Variants in OPHN1 observed in about 807,000 individuals in gnomAD.
OPHN1 encodes the protein oligophrenin 1, also known as oligophrenin-1.
OPHN1 carries 11 observed loss-of-function variants against 60.7 expected under a neutral mutation model. The observed-to-expected ratio is 0.18, with a 90% CI of 0.11 to 0.30. The LOEUF (loss-of-function observed/expected upper bound fraction) is 0.30. Among genes scored for constraint, OPHN1 ranks in the 10% least tolerant of loss-of-function variants. The probability of loss-of-function intolerance (pLI) is 1.00; values close to 1 mark genes in which losing one functional copy is unlikely to be tolerated. For missense variants in OPHN1, 449 were observed against 611.0 expected (o/e 0.73, Z 2.80); for synonymous variants, 226 against 222.6 (o/e 1.02, Z -0.14).
At chrX:68,213,838 C>T in intron 7 of OPHN1, 24 bp downstream of exon 7, 1 of 890,342 alleles carries the variant, frequency 1.1e-6, no homozygotes, top group South Asian at 2.1e-5. Context: ...ATTTTTAGAC[C>T]ATTCATCAAC....
intron 15 of OPHN1, among the ~76,000 whole-genome samples, chrX:68,171,130 C>A (rs1181129640): frequency 9.1e-6 from 1 of 110,186 alleles, no homozygotes; most frequent in Non-Finnish European, 1.9e-5. Flanking sequence ...TATAACTGGA[C>A]TGTTTATAAC....
At chrX:68,148,430 T>C (rs1197257126) in intron 15 of OPHN1, among the ~76,000 whole-genome samples, 1 of 110,172 alleles carries the variant, frequency 9.1e-6, no homozygotes, top group Non-Finnish European at 1.9e-5. Flanking sequence ...AAATGAACAC[T>C]AAACTTCACC....
chrX:68,396,918 C>T (rs189845179), intron 2 of OPHN1, among the ~76,000 whole-genome samples: 67 of 112,173 alleles, frequency 6.0e-4, no homozygotes, highest in African/African-American at 2.1e-3. Flanking sequence ...ACTCCTCTCC[C>T]ATCCCAGGGG....
intron 15 of OPHN1, among the ~76,000 whole-genome samples, chrX:68,166,129 T>A (rs763786252): frequency 8.9e-6 from 1 of 112,554 alleles, no homozygotes; most frequent in Admixed American, 9.4e-5. Context: ...TAAAAATCTT[T>A]CAGATGTTGG....
At chrX:68,253,090 A>G (rs769033153) in intron 5 of OPHN1, among the ~76,000 whole-genome samples, 5 of 112,015 alleles carry the variant, frequency 4.5e-5, no homozygotes, top group Non-Finnish European at 7.5e-5. Flanking sequence ...GTCTGGATAA[A>G]TATTGGCTTA....
intron 15 of OPHN1, among the ~76,000 whole-genome samples, chrX:68,136,718 C>T (rs1462210957): frequency 8.9e-6 from 1 of 111,874 alleles, no homozygotes; most frequent in African/African-American, 3.3e-5. Flanking sequence ...AACTCATAAA[C>T]ATGATGTGAG....
At chrX:68,132,822 G>A (rs953409241) in intron 15 of OPHN1, 77 of 217,264 alleles carry the variant, frequency 3.5e-4, no homozygotes, top group Non-Finnish European at 3.6e-4. Flanking sequence ...AGCTTGGGCC[G>A]CACTTACCCG....
intron 2 of OPHN1, among the ~76,000 whole-genome samples, chrX:68,323,796 C>T (rs968907145): frequency 8.9e-6 from 1 of 111,888 alleles, no homozygotes; most frequent in Admixed American, 9.6e-5. Flanking sequence ...ATCATGATTA[C>T]GTATGGTTTA....
At position 68,083,017 on chromosome X, in the gene OPHN1, A is replaced by G. The variant is rs192900219; in HGVS notation, c.1687-9718T>C. Among the ~76,000 whole-genome samples, 9 of 51,452 alleles carry G rather than the reference A, an allele frequency of 1.7e-4. No homozygotes were observed. The East Asian group carries it at 6.0e-3, about 34-fold the overall frequency. The allele number at this position is 51,452 out of a possible 115,157, so 44.7% of individuals were successfully genotyped here. A position where few individuals can be genotyped will look rare whatever the true frequency, so the allele number is the denominator to read the frequency against. On this transcript the variant is annotated intron_variant, in intron 19 of 24. Transcript: ENST00000355520. ...CACTTTTATGTCATGGAACTGGTTT[A>G]TTTCCTTAAACATCATGAACCAACC...
chrX:68,296,811 T>TA (rs1271259100), intron 3 of OPHN1, among the ~76,000 whole-genome samples: 2 of 110,321 alleles, frequency 1.8e-5, no homozygotes, highest in Non-Finnish European at 3.8e-5. Context: ...TTTCTTTTTT[T>TA]AAAAAAGCAG....
chrX:68,320,548 C>T (rs570088528), intron 2 of OPHN1, among the ~76,000 whole-genome samples: 1 of 110,356 alleles, frequency 9.1e-6, no homozygotes, highest in Admixed American at 9.7e-5. Flanking sequence ...AACCCCCCCC[C>T]ATTTTTCTAT....
intron 10 of OPHN1, among the ~76,000 whole-genome samples, chrX:68,202,243 T>A (rs1202021723): frequency 3.6e-5 from 4 of 111,735 alleles, no homozygotes; most frequent in African/African-American, 1.3e-4. Flanking sequence ...ATGTAATCGC[T>A]CCAAAGGTAG....
At chrX:68,127,427 A>T (rs1404238882) in intron 15 of OPHN1, among the ~76,000 whole-genome samples, 2 of 111,791 alleles carry the variant, frequency 1.8e-5, no homozygotes, top group Non-Finnish European at 3.8e-5. Flanking sequence ...GCTAATAAAG[A>T]TCTACTGTGA....
intron 6 of OPHN1, among the ~76,000 whole-genome samples, chrX:68,223,610 T>G (rs2077674644): frequency 9.0e-6 from 1 of 111,025 alleles, no homozygotes; most frequent in African/African-American, 3.3e-5. Flanking sequence ...ACTATTCGGG[T>G]GACAGGTACA....
chrX:68,105,984 T>C (rs960012173), intron 18 of OPHN1, among the ~76,000 whole-genome samples: 2 of 107,087 alleles, frequency 1.9e-5, no homozygotes, highest in Non-Finnish European at 3.8e-5. Flanking sequence ...ATGGAAAAAG[T>C]AGACTAAAGA....
At position 68,053,717 on chromosome X, in the gene OPHN1, G is replaced by T. The variant is rs759228742; in HGVS notation, c.2252C>A (p.Ala751Glu). The T allele has an allele frequency of 8.3e-7, 1 of 1,208,948 alleles. No homozygotes were observed. The highest frequency in any genetic ancestry group is 1.8e-5 in the African/African-American group (1 of 56,947). ...PVRPPDPPCR[A>E]ATPQKPEPKP... ...TGGTTCTGGCTTTTGGGGAGTAGCT[G>T]CCCGGCAGGGAGGATCTGGGGGCCT... The change falls in exon 22 of 25, where the codon GCA becomes GAA. Residue 751 changes from alanine to glutamate, a missense_variant. Ala to Glu is a moderately radical substitution (Grantham distance 107). Coordinates refer to ENST00000355520, the MANE Select transcript of OPHN1 (RefSeq NM_002547.3).
rs771841326 is a variant in OPHN1 at position 68,133,021 on chromosome X, C to A, written c.1277-13689G>T. On this transcript the variant is annotated intron_variant, in intron 15 of 24. Coordinates refer to ENST00000355520, the MANE Select transcript of OPHN1 (RefSeq NM_002547.3). ...AGCCGCCGCCGCTTCAGACGCAGAC[C>A]CTACCGCCAACTCTGCAGCAGTCCG... is the stretch of plus-strand genomic sequence containing the variant. The A allele has an allele frequency of 6.2e-6, 3 of 484,217 alleles. No homozygotes were observed. In the East Asian group the frequency reaches 1.1e-4, roughly 18 times the overall value. The allele number at this position is 484,217 out of a possible 1,213,427, so 39.9% of individuals were successfully genotyped here.
At chrX:68,427,362 T>C (rs2078865473) in intron 2 of OPHN1, among the ~76,000 whole-genome samples, 1 of 111,585 alleles carries the variant, frequency 9.0e-6, no homozygotes, top group Non-Finnish European at 1.9e-5. Context: ...TGAAATTTTA[T>C]GTAAGCGTAA....
intron 5 of OPHN1, among the ~76,000 whole-genome samples, chrX:68,247,861 C>T (rs1014068066): frequency 1.8e-5 from 2 of 110,266 alleles, no homozygotes; most frequent in Admixed American, 9.7e-5. Context: ...GCTGAGATCA[C>T]GCTACTGCAC....
Sources: gnomAD v4.1 joint callset for allele counts (sites outside exome capture counted in the v4.1 genomes callset) on GRCh38, gnomAD v4.1.1 for gene constraint, MANE v1.5 for transcripts, NCBI Gene and HGNC (gene_info 2026-07-23, HGNC 2026-07-21) for gene names.